SMIM35: variants seen among roughly 807,000 people sequenced by gnomAD.
SMIM35 encodes the protein TMPRSS4 antisense RNA 1 (non-protein coding).
intron 1 of SMIM35, among the ~76,000 whole-genome samples, chr11:118,051,389 C>A (rs1220567767): frequency 2.0e-5 from 3 of 152,192 alleles, no homozygotes; most frequent in African/African-American, 4.8e-5. Context: ...ATGCCTGATT[C>A]GGCACTATCC....
At chr11:118,055,223 C>A (rs1944290442) in intron 1 of SMIM35, among the ~76,000 whole-genome samples, 1 of 152,130 alleles carries the variant, frequency 6.6e-6, no homozygotes, top group South Asian at 2.1e-4. Context: ...GTATGACATT[C>A]CTGTTTGTGG....
chr11:118,030,358 C>G (rs1432148966), intron 1 of SMIM35, among the ~76,000 whole-genome samples: 2 of 152,090 alleles, frequency 1.3e-5, no homozygotes, highest in African/African-American at 4.8e-5. Flanking sequence ...ATGTTGGGCT[C>G]AGGCTTCTTC....
intron 1 of SMIM35, among the ~76,000 whole-genome samples, chr11:118,061,581 G>A (rs1944396196): frequency 6.6e-6 from 1 of 152,026 alleles, no homozygotes; most frequent in African/African-American, 2.4e-5. Context: ...GAGGGGTGGG[G>A]GATACTTCAC....
At chr11:118,046,001 T>C (rs1197284481) in intron 1 of SMIM35, among the ~76,000 whole-genome samples, 2 of 152,254 alleles carry the variant, frequency 1.3e-5, no homozygotes, top group South Asian at 4.1e-4. Flanking sequence ...GAGACGTGTA[T>C]GTGAAAGGAG....
At chr11:118,058,402 A>G (rs1388224413) in intron 1 of SMIM35, among the ~76,000 whole-genome samples, 2 of 152,114 alleles carry the variant, frequency 1.3e-5, no homozygotes, top group Admixed American at 6.5e-5. Context: ...AGAGCTGCAC[A>G]TGGACCCAAG....
intron 1 of SMIM35, among the ~76,000 whole-genome samples, chr11:118,048,946 C>CAAGAAAAAAAAAA (rs1944158399): frequency 1.7e-5 from 1 of 60,490 alleles, no homozygotes; most frequent in Non-Finnish European, 3.0e-5. Context: ...TGAAGAGCTG[C>CAAGAAAAAAAAAA]AAAAAAAAAA....
chr11:118,062,208 T>C (rs1944403394), intron 1 of SMIM35, among the ~76,000 whole-genome samples: 1 of 152,202 alleles, frequency 6.6e-6, no homozygotes. Flanking sequence ...TGAGTGCCTG[T>C]AATCCCAGCT....
chr11:118,084,025 G>A (rs1018304848), intron 1 of SMIM35, among the ~76,000 whole-genome samples: 7 of 152,130 alleles, frequency 4.6e-5, no homozygotes, highest in African/African-American at 1.4e-4. Context: ...GCAACAGAGC[G>A]AGACTCCATC....
At chr11:118,079,360 G>A (rs951321841) in intron 1 of SMIM35, among the ~76,000 whole-genome samples, 4 of 152,040 alleles carry the variant, frequency 2.6e-5, no homozygotes, top group African/African-American at 4.8e-5. Flanking sequence ...TGACAGTCAG[G>A]GTCCTTTGAG....
In SMIM35 at chr11:118,082,724, A is replaced by C. The variant is rs532611134; in HGVS notation, c.7+4027T>G. ...CCCAATGCTGCTCAGGGAAAAAAAA[A>C]CCCAAATTACCAGGAGACCATTAAC... On this transcript the variant is annotated intron_variant, in intron 1 of 4. Coordinates refer to ENST00000689828, the MANE Select transcript of SMIM35 (RefSeq NM_001394165.1). 6.6e-5 allele frequency among the ~76,000 whole-genome samples: 10 copies of C among 152,224 alleles called. 1 individual carries two copies. Among genetic ancestry groups the C allele is most frequent in the Admixed American group, 1.3e-4 (2 of 15,294 alleles).
At chr11:118,009,706 A>G (rs898415381) in intron 4 of SMIM35, among the ~76,000 whole-genome samples, 6 of 151,532 alleles carry the variant, frequency 4.0e-5, no homozygotes, top group Admixed American at 3.3e-4. Context: ...TACGCTAAGA[A>G]CTGAGAATGC....
intron 1 of SMIM35, among the ~76,000 whole-genome samples, chr11:118,076,426 G>T (rs1042336407): frequency 8.5e-5 from 13 of 152,100 alleles, no homozygotes; most frequent in Non-Finnish European, 1.9e-4. Context: ...CAGCCTGGGG[G>T]ACAGAGAGAG....
chr11:118,024,148 G>A (rs1363803681), intron 1 of SMIM35, among the ~76,000 whole-genome samples: 1 of 152,094 alleles, frequency 6.6e-6, no homozygotes, highest in Admixed American at 6.5e-5. Flanking sequence ...ATTTTGATGA[G>A]ATATGGCCAA....
intron 1 of SMIM35, among the ~76,000 whole-genome samples, chr11:118,044,143 C>T (rs1338469759): frequency 4.6e-5 from 7 of 151,962 alleles, no homozygotes; most frequent in East Asian, 1.9e-4. Context: ...CATTGAAATG[C>T]ATTTTCTATA....
At position 118,005,539 on chromosome 11, in the gene SMIM35, C is replaced by T. The variant is rs1470789746; in HGVS notation, c.*871G>A. 6.6e-6 allele frequency: 1 copy of T among 152,212 alleles called. No homozygotes were observed. Among genetic ancestry groups the T allele is most frequent in the African/African-American group, 2.4e-5 (1 of 41,430 alleles). The allele number at this position is 152,212 out of a possible 1,614,324, so 9.4% of individuals were successfully genotyped here. A position where few individuals can be genotyped will look rare whatever the true frequency, so the allele number is the denominator to read the frequency against. ...AGTGTCTACAACAGAGCTCATGATT[C>T]CCCTGACACTCCTTCCTCCCCTAGT... On this transcript the variant is annotated 3_prime_UTR_variant, in exon 5 of 5. Coordinates refer to ENST00000689828, the MANE Select transcript of SMIM35 (RefSeq NM_001394165.1).
intron 1 of SMIM35, among the ~76,000 whole-genome samples, chr11:118,024,936 G>A (rs751999654): frequency 2.6e-5 from 4 of 151,598 alleles, no homozygotes; most frequent in Admixed American, 1.3e-4. Flanking sequence ...CTCTCTCCCC[G>A]ATCTAGTGGT....
intron 1 of SMIM35, among the ~76,000 whole-genome samples, chr11:118,025,137 T>G (rs2058264672): frequency 6.6e-6 from 1 of 152,254 alleles, no homozygotes; most frequent in Non-Finnish European, 1.5e-5. Context: ...TCATGGTGTA[T>G]ATGTACCACA....
In SMIM35 at chr11:118,038,358, C is replaced by T. The variant is rs529817987; in HGVS notation, c.8-22549G>A. On this transcript the variant is annotated intron_variant, in intron 1 of 4. Transcript: ENST00000689828. ...AGTCTTTGGGAAAGAATAACACCCA[C>T]GTAAAGAATTTGTCACATCCAGTGT... Among the ~76,000 whole-genome samples the T allele has an allele frequency of 2.6e-5, 4 of 152,294 alleles. No homozygotes were observed. The East Asian group carries it at 5.8e-4, about 22-fold the overall frequency.
At chr11:118,074,446 C>T (rs3758991) in intron 1 of SMIM35, among the ~76,000 whole-genome samples, 29,528 of 152,026 alleles carry the variant, frequency 0.19, 3,512 homozygotes, top group South Asian at 0.29. Flanking sequence ...AGGCTTCCTC[C>T]GGGAGAATGG....
Sources: allele counts gnomAD v4.1 joint callset (sites outside exome capture counted in the v4.1 genomes callset), GRCh38; gene constraint gnomAD v4.1.1; transcripts MANE v1.5; gene names NCBI Gene and HGNC (gene_info 2026-07-23, HGNC 2026-07-21).